LOXL4: variants seen among roughly 807,000 people sequenced by gnomAD.
LOXL4 encodes lysyl oxidase homolog 4.
Under a neutral mutation model 89.1 loss-of-function variants are expected in LOXL4, and 72 were observed. The ratio of observed to expected loss-of-function variants is 0.81; its 90% confidence interval spans 0.67 to 0.98. LOXL4 has a LOEUF of 0.98. LOXL4 is among the 50% of genes least tolerant of loss of function. The pLI, the probability that LOXL4 is intolerant of heterozygous loss-of-function variation, is 0.00. For missense variants in LOXL4, 984 were observed against 1,017.5 expected (o/e 0.97, Z 0.45); for synonymous variants, 355 against 392.1 (o/e 0.91, Z 1.12).
chr10:98,259,046 G>C lies in LOXL4; in HGVS notation c.884C>G (p.Pro295Arg), dbSNP rs1362528120. The C allele has an allele frequency of 6.4e-7, 1 of 1,562,686 alleles. No homozygotes were observed. Among genetic ancestry groups the C allele is most frequent in the Non-Finnish European group, 8.7e-7 (1 of 1,152,640 alleles). ...SCVAGPHFRP[P>R]KTKPQRKGSW... The stretch of plus-strand genomic sequence containing the variant: ...CCCTTTGCGTTGTGGCTTTGTCTTC[G>C]GTGGGCGGAAGTGAGGCCCTGCCAC... Residue 295 changes from proline (P) to arginine (R), a missense_variant, in exon 6 of 15, where the codon CCG becomes CGG. By Grantham distance (103) the Pro-to-Arg change is moderately radical. Transcript: ENST00000260702.
chr10:98,264,155 A>G (rs1024534112), intron 1 of LOXL4, among the ~76,000 whole-genome samples: 1 of 151,534 alleles, frequency 6.6e-6, no homozygotes, highest in Non-Finnish European at 1.5e-5. Flanking sequence ...TTCAATACAC[A>G]TTTTTGGAAT....
chr10:98,251,457 C>T, intron 13 of LOXL4, 109 bp downstream of exon 13: 1 of 1,451,430 alleles, frequency 6.9e-7, no homozygotes, highest in Non-Finnish European at 9.4e-7. Flanking sequence ...AAGTGACAGG[C>T]CTGTCGGAAA....
At position 98,255,608 on chromosome 10, in the gene LOXL4, C is replaced by T. The variant is rs1315420772; in HGVS notation, c.1560G>A (p.Gly520=). The change falls in exon 10 of 15, where the codon GGG becomes GGA. Residue 520 remains glycine (G), a synonymous_variant. Transcript: ENST00000260702. ...HGPVHCSHGG[G]RFLAGVSCMD... Reference sequence around the variant, plus strand: ...TGCAGGAGACTCCAGCCAGGAAGCGCCCGCCACCGTGGGAGCAGTGCACCG... The same window carrying T: ...TGCAGGAGACTCCAGCCAGGAAGCGTCCGCCACCGTGGGAGCAGTGCACCG... The T allele has an allele frequency of 1.9e-6, 3 of 1,610,926 alleles. No homozygotes were observed. Among genetic ancestry groups the T allele is most frequent in the Non-Finnish European group, 2.5e-6 (3 of 1,177,622 alleles).
intron 2 of LOXL4, 151 bp downstream of exon 2, chr10:98,262,592 G>A: frequency 1.0e-6 from 1 of 955,976 alleles, no homozygotes; most frequent in Non-Finnish European, 1.6e-6. Flanking sequence ...GGTGGGAGTA[G>A]GGGCCATGTG....
intron 12 of LOXL4, 40 bp downstream of exon 12, chr10:98,252,313 A>T: frequency 6.9e-7 from 1 of 1,458,796 alleles, no homozygotes; most frequent in Non-Finnish European, 9.6e-7. Context: ...AGAACATAAC[A>T]AAAGGAGATG....
At chr10:98,252,895 T>C (rs1475032066) in intron 11 of LOXL4, among the ~76,000 whole-genome samples, 1 of 152,242 alleles carries the variant, frequency 6.6e-6, no homozygotes, top group African/African-American at 2.4e-5. Flanking sequence ...GCTCTGTTCA[T>C]GCTACAGGGA....
intron 4 of LOXL4, 142 bp from the exon 5 acceptor site, chr10:98,259,571 G>A (rs1355160035): frequency 3.8e-6 from 3 of 784,478 alleles, no homozygotes; most frequent in Non-Finnish European, 6.5e-6. Flanking sequence ...TCAATGCTGA[G>A]CTTCACAGCA....
Position 98,258,104 on chromosome 10 carries a change from T to C in LOXL4, c.982A>G (p.Met328Val). ...QVGEGRVEVL[M>V]NRQWGTVCDH... ...CAGACCGTGCCCCACTGGCGGTTCATGAGCACTTCCACCCGGCCCTCGCCC... is the reference window on the plus strand; with the variant it reads ...CAGACCGTGCCCCACTGGCGGTTCACGAGCACTTCCACCCGGCCCTCGCCC... Residue 328 changes from methionine (M) to valine (V), a missense_variant, in exon 7 of 15, where the codon ATG becomes GTG. Met to Val is a conservative substitution (Grantham distance 21). Coordinates refer to ENST00000260702, the MANE Select transcript of LOXL4 (RefSeq NM_032211.7). 6.2e-7 allele frequency: 1 copy of C among 1,613,514 alleles called. No homozygotes were observed. Among genetic ancestry groups the C allele is most frequent in the Non-Finnish European group, 8.5e-7 (1 of 1,179,994 alleles).
chr10:98,257,871 T>C, intron 7 of LOXL4, 67 bp from the exon 8 acceptor site: 1 of 1,576,338 alleles, frequency 6.3e-7, no homozygotes, highest in Non-Finnish European at 8.6e-7. Flanking sequence ...TGGCTTCCCC[T>C]TCACAGAGGG....
At chr10:98,267,046 G>A (rs1402740834) in intron 1 of LOXL4, among the ~76,000 whole-genome samples, 1 of 152,138 alleles carries the variant, frequency 6.6e-6, no homozygotes, top group Admixed American at 6.5e-5. Context: ...AGGGAAGTGA[G>A]GATAATAACT....
rs1292264067 is a variant in LOXL4 at position 98,266,821 on chromosome 10, C to A, written c.-33+1311G>T. Among the ~76,000 whole-genome samples, 3 of 152,296 alleles carry A rather than the reference C, an allele frequency of 2.0e-5. No individual in the cohort carries two copies. The East Asian group carries it at 5.8e-4, about 29-fold the overall frequency. On this transcript the variant is annotated intron_variant, in intron 1 of 14. Coordinates refer to ENST00000260702, the MANE Select transcript of LOXL4 (RefSeq NM_032211.7). ...CTCAAATGCCACCCCCTCCATTAAG[C>A]CCTCCCACAAAGCCTTCCACAAAGC...
At chr10:98,255,519 C>T (rs1590878306) in intron 10 of LOXL4, 58 bp downstream of exon 10, 1 of 1,544,884 alleles carries the variant, frequency 6.5e-7, no homozygotes, top group Non-Finnish European at 8.8e-7. Flanking sequence ...GCAGGGCCCT[C>T]CCTGAAGGGG....
At chr10:98,264,403 C>G (rs924211024) in intron 1 of LOXL4, among the ~76,000 whole-genome samples, 1 of 149,396 alleles carries the variant, frequency 6.7e-6, no homozygotes, top group African/African-American at 2.5e-5. Flanking sequence ...GTGCCCTTCT[C>G]TTACCCCCAG....
intron 8 of LOXL4, 49 bp from the exon 9 acceptor site, chr10:98,256,996 A>C: frequency 6.3e-7 from 1 of 1,586,916 alleles, no homozygotes; most frequent in Non-Finnish European, 8.6e-7. Context: ...TGCAGGGAAG[A>C]GCTCAGGGCT....
intron 11 of LOXL4, 55 bp downstream of exon 11, chr10:98,253,498 G>T: frequency 1.2e-6 from 2 of 1,611,252 alleles, no homozygotes; most frequent in South Asian, 1.1e-5. Flanking sequence ...ACTGCTCCCT[G>T]GACCCTGCTT....
At chr10:98,258,913 C>T in intron 6 of LOXL4, 96 bp downstream of exon 6, 1 of 921,378 alleles carries the variant, frequency 1.1e-6, no homozygotes, top group Non-Finnish European at 1.6e-6. Context: ...TGGTTCCTCT[C>T]TCCTGCGTGT....
rs1858106145 is a variant in LOXL4 at position 98,248,801 on chromosome 10, T to G, written c.*120A>C. 3.5e-6 allele frequency: 3 copies of G among 856,380 alleles called. No homozygotes were observed. Among genetic ancestry groups the G allele is most frequent in the Non-Finnish European group, 5.5e-6 (3 of 541,622 alleles). 53.0% of individuals were successfully genotyped at this position (856,380 alleles called of 1,614,324 possible). On this transcript the variant is annotated 3_prime_UTR_variant, in exon 15 of 15. Transcript: ENST00000260702. ...GCCATCAAAAGGCTTCCTGAGCAGG[T>G]TCTTGGTGCCCCTTGGCACTGGCCC...
At chr10:98,264,215 C>T (rs547449679) in intron 1 of LOXL4, among the ~76,000 whole-genome samples, 2 of 150,664 alleles carry the variant, frequency 1.3e-5, no homozygotes, top group East Asian at 3.9e-4. Context: ...CATCGAACAC[C>T]CTCCCTACCT....
chr10:98,262,308 T>C, intron 2 of LOXL4, 95 bp from the exon 3 acceptor site: 1 of 1,335,486 alleles, frequency 7.5e-7, no homozygotes, highest in Non-Finnish European at 1.0e-6. Context: ...AGTCACCTCT[T>C]CCAAACCCTG....
Sources: allele counts gnomAD v4.1 joint callset (sites outside exome capture counted in the v4.1 genomes callset), GRCh38; gene constraint gnomAD v4.1.1; transcripts MANE v1.5; gene names NCBI Gene and HGNC (gene_info 2026-07-23, HGNC 2026-07-21).